The following MAF variants were observed in gnomAD, a reference collection of about 807,000 sequenced individuals.
MAF encodes the protein MAF bZIP transcription factor, also known as transcription factor Maf.
Under a neutral mutation model 22.0 loss-of-function variants are expected in MAF, and 10 were observed. That is an observed-to-expected ratio of 0.45 (90% confidence interval 0.28 to 0.77). The LOEUF (loss-of-function observed/expected upper bound fraction) is 0.77, where lower values mean the gene tolerates loss of function less well. Ranked by LOEUF, MAF falls within the 30% of genes least tolerant of loss-of-function variation. The pLI is 0.12. For synonymous variants in MAF, 337 were observed against 255.8 expected, an observed-to-expected ratio of 1.32 and a Z score of -3.03; for missense variants, 544 against 548.4, an observed-to-expected ratio of 0.99 and a Z score of 0.08.
At chr16:79,501,952 A>G in the MAF span, among the ~76,000 whole-genome samples, 1 of 152,026 alleles carries the variant, frequency 6.6e-6, no homozygotes, top group Non-Finnish European at 1.5e-5. Flanking sequence ...CTCTTTTTGG[A>G]CTTCTGAGAA....
chr16:79,239,174 C>T, the MAF span, among the ~76,000 whole-genome samples: 7 of 152,048 alleles, frequency 4.6e-5, no homozygotes, highest in Non-Finnish European at 8.8e-5. Context: ...TTGTAACTCT[C>T]GGTTTTGTCA....
the MAF span, among the ~76,000 whole-genome samples, chr16:79,507,849 C>T: frequency 6.6e-6 from 1 of 152,170 alleles, no homozygotes; most frequent in African/African-American, 2.4e-5. Context: ...GCATTTTCTT[C>T]TGTTGGAGTT....
At chr16:79,433,668 G>T in the MAF span, among the ~76,000 whole-genome samples, 2 of 152,130 alleles carry the variant, frequency 1.3e-5, no homozygotes, top group South Asian at 2.1e-4. Flanking sequence ...GCTCAAACTT[G>T]TTACTGTTCT....
the MAF span, among the ~76,000 whole-genome samples, chr16:79,571,228 A>G: frequency 3.9e-5 from 6 of 152,092 alleles, no homozygotes; most frequent in Non-Finnish European, 7.4e-5. Context: ...TTAGTGTCCC[A>G]GGGGGATGAG....
At chr16:79,402,606 C>T in the MAF span, among the ~76,000 whole-genome samples, 1 of 152,188 alleles carries the variant, frequency 6.6e-6, no homozygotes, top group East Asian at 1.9e-4. Flanking sequence ...CAGAGGAAGG[C>T]CAAGGTTAGC....
the MAF span, among the ~76,000 whole-genome samples, chr16:79,408,246 G>A: frequency 6.6e-6 from 1 of 151,982 alleles, no homozygotes; most frequent in African/African-American, 2.4e-5. Context: ...ATGGGATCTC[G>A]GCTTGCTGCA....
chr16:79,405,475 C>A, the MAF span, among the ~76,000 whole-genome samples: 6 of 152,202 alleles, frequency 3.9e-5, no homozygotes, highest in Non-Finnish European at 5.9e-5. Context: ...TGCCACTGAA[C>A]AACTTTCATT....
chr16:79,556,521 G>A, the MAF span, among the ~76,000 whole-genome samples: 443 of 152,280 alleles, frequency 2.9e-3, no homozygotes, highest in African/African-American at 9.9e-3. Context: ...AGACATTATA[G>A]GACCTCTGTG....
chr16:79,582,163 A>G (rs1272081088), downstream of MAF, among the ~76,000 whole-genome samples: 1 of 152,204 alleles, frequency 6.6e-6, no homozygotes, highest in Non-Finnish European at 1.5e-5. Context: ...AGGTGTCAGG[A>G]GAAGCCAAAA....
chr16:79,518,561 A>C, the MAF span, among the ~76,000 whole-genome samples: 6 of 152,226 alleles, frequency 3.9e-5, no homozygotes, highest in South Asian at 6.2e-4. Flanking sequence ...GTGACCAGCT[A>C]TCTGACTTTG....
the MAF span, among the ~76,000 whole-genome samples, chr16:79,313,061 C>A: frequency 6.6e-6 from 1 of 152,136 alleles, no homozygotes; most frequent in Non-Finnish European, 1.5e-5. Flanking sequence ...GCAACCTATG[C>A]ACAGACTGCA....
At chr16:79,530,628 A>G in the MAF span, among the ~76,000 whole-genome samples, 1 of 152,208 alleles carries the variant, frequency 6.6e-6, no homozygotes, top group Non-Finnish European at 1.5e-5. Context: ...AAACACCAAA[A>G]TGTTAAGAAG....
the MAF span, among the ~76,000 whole-genome samples, chr16:79,492,807 C>CA: frequency 5.3e-5 from 8 of 152,038 alleles, no homozygotes; most frequent in Admixed American, 1.3e-4. Context: ...ACATAAAATT[C>CA]AAAAAACTGG....
the MAF span, among the ~76,000 whole-genome samples, chr16:79,252,588 C>A: frequency 6.6e-6 from 1 of 152,082 alleles, no homozygotes; most frequent in African/African-American, 2.4e-5. Flanking sequence ...CTCCTGGGTT[C>A]AAGCGATTCT....
At chr16:79,207,912 A>C in the MAF span, among the ~76,000 whole-genome samples, 4 of 152,204 alleles carry the variant, frequency 2.6e-5, no homozygotes, top group Non-Finnish European at 5.9e-5. Flanking sequence ...TATCAAATGA[A>C]TGTTGATGAA....
At chr16:79,596,964 A>T in intron 1 of MAF, 1 of 1,051,698 alleles carries the variant, frequency 9.5e-7, no homozygotes, top group Non-Finnish European at 1.1e-6. Context: ...GAAAAGAAAA[A>T]AAAACATACA....
chr16:79,317,102 C>T, the MAF span, among the ~76,000 whole-genome samples: 1 of 151,986 alleles, frequency 6.6e-6, no homozygotes, highest in Non-Finnish European at 1.5e-5. Context: ...TCCTCCCTCA[C>T]TCCATTTTCC....
chr16:79,563,584 T>C, the MAF span, among the ~76,000 whole-genome samples: 4 of 152,224 alleles, frequency 2.6e-5, no homozygotes, highest in African/African-American at 4.8e-5. Flanking sequence ...ATAATACTTT[T>C]GATTTATGGC....
chr16:79,247,608 T>C, the MAF span, among the ~76,000 whole-genome samples: 1 of 152,184 alleles, frequency 6.6e-6, no homozygotes, highest in African/African-American at 2.4e-5. Context: ...TCTTCCCCGC[T>C]GGAAGTAATG....
Sources: allele counts gnomAD v4.1 joint callset (sites outside exome capture counted in the v4.1 genomes callset), GRCh38; gene constraint gnomAD v4.1.1; transcripts MANE v1.5; gene names NCBI Gene and HGNC (gene_info 2026-07-23, HGNC 2026-07-21).